The following CYP27C1 variants were observed in gnomAD, a reference collection of about 807,000 sequenced individuals.
CYP27C1 encodes cytochrome P450 family 27 subfamily C member 1.
In CYP27C1, 29 loss-of-function variants were observed where a neutral mutation model predicts 40.6. That is an observed-to-expected ratio of 0.71 (90% CI 0.53 to 0.97). The LOEUF (loss-of-function observed/expected upper bound fraction) is 0.97, where lower values mean the gene tolerates loss of function less well. Among genes scored for constraint, CYP27C1 ranks in the 50% least tolerant of loss-of-function variants. The pLI is 0.00. For synonymous variants in CYP27C1, 198 were observed against 186.8 expected (o/e 1.06, Z -0.49); for missense variants, 390 against 485.8 (o/e 0.80, Z 1.85).
At chr2:127,213,355 CA>C (rs1436858022) in intron 1 of CYP27C1, among the ~76,000 whole-genome samples, 1 of 151,556 alleles carries the variant, frequency 6.6e-6, no homozygotes, top group Non-Finnish European at 1.5e-5. Context: ...CCCATATAGC[CA>C]AAACAATCCT....
Position 127,186,031 on chromosome 2 carries a change from T to C in CYP27C1, c.*1240A>G, listed in dbSNP as rs1304810268. The C allele has an allele frequency of 6.6e-6, 1 of 152,212 alleles. No individual in the cohort carries two copies. The highest frequency in any genetic ancestry group is 2.4e-5 in the African/African-American group (1 of 41,460). The allele number at this position is 152,212 out of a possible 1,614,324, so 9.4% of individuals were successfully genotyped here. On this transcript the variant is annotated 3_prime_UTR_variant, in exon 9 of 9. Coordinates refer to ENST00000664447, the MANE Select transcript of CYP27C1 (RefSeq NM_001367502.1). The surrounding 1 kb of genome is among the most constrained non-coding windows in gnomAD (Gnocchi z 4.5). ...CCATCAAGATAAAAATATTGTTGTA[T>C]CTGTAGCATCTCTATTTATGTATTT...
intron 3 of CYP27C1, 93 bp downstream of exon 3, chr2:127,203,279 G>A (rs1270148040): frequency 2.8e-6 from 4 of 1,442,532 alleles, no homozygotes; most frequent in Non-Finnish European, 3.8e-6. Flanking sequence ...TTAGCACACT[G>A]CCTGGGACCC....
intron 1 of CYP27C1, among the ~76,000 whole-genome samples, chr2:127,207,388 G>A (rs1008203007): frequency 4.6e-5 from 7 of 152,236 alleles, no homozygotes; most frequent in South Asian, 4.2e-4. Context: ...CCAGCTACTC[G>A]GAGGCTGAGG....
In CYP27C1 at chr2:127,201,134, G is replaced by C. The variant is rs1683023719; in HGVS notation, c.871C>G (p.Leu291Val). 1 of 1,613,082 alleles carries C rather than the reference G, an allele frequency of 6.2e-7. No individual in the cohort carries two copies. Among genetic ancestry groups the C allele is most frequent in the Non-Finnish European group, 8.5e-7 (1 of 1,179,966 alleles). Residue 291 changes from leucine to valine, a missense_variant, in exon 4 of 9, where the codon CTC becomes GTC. Leu to Val is a conservative substitution (Grantham distance 32, BLOSUM62 1). Coordinates refer to ENST00000664447, the MANE Select transcript of CYP27C1 (RefSeq NM_001367502.1). This position sits in a 1 kb window ranked among gnomAD's most constrained non-coding sequence, Gnocchi z 6.0. ...ATTCTTCTCTTACTGAATTTGAAGA[G>C]TCCATCCCAGGACCTGCAGAATTCC... The part of the protein sequence containing the change: ...WREFCRSWDG[L>V]FKFSQIHVDN...
intron 1 of CYP27C1, among the ~76,000 whole-genome samples, chr2:127,216,268 G>A (rs115227627): frequency 1.0e-3 from 153 of 152,198 alleles, no homozygotes; most frequent in African/African-American, 3.5e-3. Context: ...TATTCATTAC[G>A]GCTAAAAGGT....
intron 3 of CYP27C1, among the ~76,000 whole-genome samples, chr2:127,202,097 T>A (rs1248157512): frequency 6.6e-6 from 1 of 151,590 alleles, no homozygotes; most frequent in African/African-American, 2.4e-5. Context: ...TTTTTTTTTT[T>A]ACACAAACAT....
chr2:127,204,629 A>AAAGC (rs1683184776), intron 2 of CYP27C1, among the ~76,000 whole-genome samples: 1 of 128,334 alleles, frequency 7.8e-6, no homozygotes, highest in Non-Finnish European at 1.7e-5. Flanking sequence ...AAGAAAGAAG[A>AAAGC]CTGCAGCTTG....
Position 127,200,570 on chromosome 2 carries a change from C to T in CYP27C1, c.883+552G>A, listed in dbSNP as rs1030393131. ...TGCATGGACATTTACTTGTACCTGT[C>T]CCTGCTAGCATGCTAGTGAAAATAA... On this transcript the variant is annotated intron_variant, in intron 4 of 8. Coordinates refer to ENST00000664447, the MANE Select transcript of CYP27C1 (RefSeq NM_001367502.1). The surrounding 1 kb of genome is among the most constrained non-coding windows in gnomAD (Gnocchi z 4.2). Among the ~76,000 whole-genome samples the T allele has an allele frequency of 3.9e-5, 6 of 152,120 alleles. No homozygotes were observed. In the South Asian group the frequency reaches 1.0e-3, roughly 26 times the overall value.
rs1682654858 is a variant in CYP27C1 at position 127,187,395 on chromosome 2, GAGAA to G, written c.1498-12_1498-9del. ...CTCAAAATGTTGAAGCAACTAAGAA[GAGAA>G]AGAGAGAGAAGGGGTCAGAATTGGA... On this transcript the variant is annotated splice_polypyrimidine_tract_variant and intron_variant, in intron 8 of 8. Coordinates refer to ENST00000664447, the MANE Select transcript of CYP27C1 (RefSeq NM_001367502.1). 1 of 1,609,104 alleles carries G rather than the reference GAGAA, an allele frequency of 6.2e-7. No individual in the cohort carries two copies. The highest frequency in any genetic ancestry group is 1.3e-5 in the African/African-American group (1 of 74,832).
At position 127,192,846 on chromosome 2, in the gene CYP27C1, T is replaced by C. The variant is rs538605565; in HGVS notation, c.1497+248A>G. 6.6e-5 allele frequency among the ~76,000 whole-genome samples: 6 copies of C among 90,322 alleles called. No individual in the cohort carries two copies. The East Asian group carries it at 2.4e-3, about 36-fold the overall frequency. 59.3% of individuals were successfully genotyped at this position (90,322 alleles called of 152,430 possible). A position where few individuals can be genotyped will look rare whatever the true frequency, so the allele number is the denominator to read the frequency against. ...CTTATTTTTGGATAGGGTCTCACTC[T>C]GTCGCCCAGGCTGGAGTGCCGTGGT... On this transcript the variant is annotated intron_variant, in intron 8 of 8. Transcript: ENST00000664447.
At chr2:127,193,036 T>C in intron 8 of CYP27C1, 58 bp downstream of exon 8, 1 of 1,589,400 alleles carries the variant, frequency 6.3e-7, no homozygotes, top group Middle Eastern at 1.7e-4. Flanking sequence ...CTTTATCCTG[T>C]TGTGCCCAGT....
At chr2:127,188,022 G>A (rs969014430) in intron 8 of CYP27C1, among the ~76,000 whole-genome samples, 29 of 152,178 alleles carry the variant, frequency 1.9e-4, no homozygotes, top group Non-Finnish European at 3.8e-4. Flanking sequence ...CTCCCCCGGC[G>A]GCCGGCTAGG....
rs541317615 is a variant in CYP27C1, at chr2:127,208,669, A to G, written c.283-2579T>C. Among the ~76,000 whole-genome samples the G allele has an allele frequency of 5.9e-5, 9 of 152,252 alleles. No homozygotes were observed. The highest frequency in any genetic ancestry group is 2.2e-4 in the African/African-American group (9 of 41,544). ...CCAGGCTGCACTTTTCCCCTGCTGG[A>G]GCCAGGGAGGCTGGATGGCTTGGTC... is the stretch of plus-strand genomic sequence containing the variant. On this transcript the variant is annotated intron_variant, in intron 1 of 8. Transcript: ENST00000664447. The surrounding 1 kb of genome is among the most constrained non-coding windows in gnomAD (Gnocchi z 5.2).
intron 3 of CYP27C1, among the ~76,000 whole-genome samples, chr2:127,202,038 T>C (rs1016993571): frequency 6.6e-6 from 1 of 151,388 alleles, no homozygotes; most frequent in African/African-American, 2.4e-5. Context: ...AAGCTTTTTT[T>C]AAAAAAGATG....
chr2:127,201,406 T>G lies in CYP27C1; in HGVS notation c.674-75A>C, dbSNP rs1573898717. On this transcript the variant is annotated intron_variant, in intron 3 of 8. Transcript: ENST00000664447. This position sits in a 1 kb window ranked among gnomAD's most constrained non-coding sequence, Gnocchi z 6.0. ...CCAACAGGCAATGTTGGGCCATAAA[T>G]GCAACTTTCAAACGTGGTCCAGGTG... 2.8e-6 allele frequency: 4 copies of G among 1,446,922 alleles called. No individual in the cohort carries two copies. The East Asian group carries it at 9.2e-5, about 33-fold the overall frequency. 89.6% of individuals were successfully genotyped at this position (1,446,922 alleles called of 1,614,324 possible). A position where few individuals can be genotyped will look rare whatever the true frequency, so the allele number is the denominator to read the frequency against.
At position 127,193,135 on chromosome 2, in the gene CYP27C1, G is replaced by T; in HGVS notation, c.1456C>A (p.Arg486=). 6.2e-7 allele frequency: 1 copy of T among 1,614,154 alleles called. No individual in the cohort carries two copies. Among genetic ancestry groups the T allele is most frequent in the Non-Finnish European group, 8.5e-7 (1 of 1,180,030 alleles). Residue 486 remains arginine, a synonymous_variant, in exon 8 of 9, where the codon CGG becomes AGG. Coordinates refer to ENST00000664447, the MANE Select transcript of CYP27C1 (RefSeq NM_001367502.1). ...TGAATCTCCAGTTCTGCAATTCTCC[G>T]CCCTATGCAGCTGCGAACCCCATGA... The part of the protein sequence containing the change: ...FGHGVRSCIG[R]RIAELEIHLV...
At chr2:127,190,562 G>A (rs113930498) in intron 8 of CYP27C1, among the ~76,000 whole-genome samples, 14,241 of 150,160 alleles carry the variant, frequency 0.095, 820 homozygotes, top group Middle Eastern at 0.14. Context: ...GGCTGGTCTC[G>A]AACTCCTGAC....
chr2:127,203,586 T>C lies in CYP27C1; in HGVS notation c.474-15A>G, dbSNP rs773331044. The stretch of plus-strand genomic sequence containing the variant: ...GTTCACCCTCCCTAGAAGAATCAAG[T>C]GAGTTTCAAATCATCTTACTTACAC... On this transcript the variant is annotated splice_polypyrimidine_tract_variant and intron_variant, in intron 2 of 8. Coordinates refer to ENST00000664447, the MANE Select transcript of CYP27C1 (RefSeq NM_001367502.1). The C allele has an allele frequency of 6.9e-6, 11 of 1,601,892 alleles. No homozygotes were observed. Among genetic ancestry groups the C allele is most frequent in the Non-Finnish European group, 9.3e-6 (11 of 1,176,970 alleles).
At position 127,218,100 on chromosome 2, in the gene CYP27C1, A is replaced by C. The variant is rs1683468913; in HGVS notation, c.282+1889T>G. Reference sequence around the variant, plus strand: ...TGCCCCAGGGCCCTGGGTGTGGTGAAGGAAGCTGTCTGAGCAGTGGGCAGG... The same window carrying C: ...TGCCCCAGGGCCCTGGGTGTGGTGACGGAAGCTGTCTGAGCAGTGGGCAGG... On this transcript the variant is annotated intron_variant, in intron 1 of 8. Transcript: ENST00000664447. This position sits in a 1 kb window ranked among gnomAD's most constrained non-coding sequence, Gnocchi z 6.0. Among the ~76,000 whole-genome samples the C allele has an allele frequency of 6.6e-6, 1 of 152,136 alleles. No homozygotes were observed. The highest frequency in any genetic ancestry group is 2.1e-4 in the South Asian group (1 of 4,830).
Sources: allele counts gnomAD v4.1 joint callset (sites outside exome capture counted in the v4.1 genomes callset), GRCh38; gene constraint gnomAD v4.1.1; non-coding constraint Gnocchi (gnomAD v3.1); transcripts MANE v1.5; gene names NCBI Gene and HGNC (gene_info 2026-07-23, HGNC 2026-07-21).